RBM47: variants seen among roughly 807,000 people sequenced by gnomAD.
RBM47 encodes RNA binding motif protein 47.
Under a neutral mutation model 47.1 loss-of-function variants are expected in RBM47, and 21 were observed. That is an observed-to-expected ratio of 0.45 (90% CI 0.32 to 0.64). The LOEUF is 0.64. Ranked by LOEUF, RBM47 falls within the 30% of genes least tolerant of loss-of-function variation. The pLI is 0.05. For missense variants in RBM47, 708 were observed against 870.9 expected (o/e 0.81, Z 2.35); for synonymous variants, 375 against 361.7 (o/e 1.04, Z -0.42).
In RBM47 at chr4:40,628,757, C is replaced by T. The variant is rs1416575625; in HGVS notation, c.-240+639G>A. Among the ~76,000 whole-genome samples, 1 of 152,026 alleles carries T rather than the reference C, an allele frequency of 6.6e-6. No individual in the cohort carries two copies. The highest frequency in any genetic ancestry group is 1.5e-5 in the Non-Finnish European group (1 of 68,034). Reference sequence around the variant, plus strand: ...CTATCACTTATGCCTTGGGACAGTACCCAAGAGTGGCTGAACTTTTACCTA... The same window carrying T: ...CTATCACTTATGCCTTGGGACAGTATCCAAGAGTGGCTGAACTTTTACCTA... On this transcript the variant is annotated intron_variant, in intron 1 of 6. Coordinates refer to ENST00000295971, the MANE Select transcript of RBM47 (RefSeq NM_001098634.2). This position sits in a 1 kb window ranked among gnomAD's most constrained non-coding sequence, Gnocchi z 4.0.
At chr4:40,467,275 T>A (rs1718190172) in intron 2 of RBM47, among the ~76,000 whole-genome samples, 1 of 151,748 alleles carries the variant, frequency 6.6e-6, no homozygotes, top group African/African-American at 2.4e-5. Context: ...GTTCTGCCCC[T>A]AAAATGTAGA....
chr4:40,606,124 G>C (rs1735737109), intron 1 of RBM47, among the ~76,000 whole-genome samples: 1 of 150,368 alleles, frequency 6.7e-6, no homozygotes, highest in Admixed American at 6.6e-5. Context: ...CTTAAACCCA[G>C]GAGGTAGAGG....
chr4:40,567,541 A>G (rs1419744835), intron 1 of RBM47, among the ~76,000 whole-genome samples: 1 of 152,050 alleles, frequency 6.6e-6, no homozygotes, highest in Admixed American at 6.6e-5. Context: ...CGCAGTGCGC[A>G]CAGAGAATAG....
At chr4:40,585,263 GA>G (rs369298846) in intron 1 of RBM47, among the ~76,000 whole-genome samples, 2 of 152,068 alleles carry the variant, frequency 1.3e-5, no homozygotes, top group East Asian at 3.9e-4. Flanking sequence ...GTCCATAGGG[GA>G]AAAAAATGGG....
chr4:40,502,979 G>C (rs1407117067), intron 2 of RBM47, among the ~76,000 whole-genome samples: 1 of 111,430 alleles, frequency 9.0e-6, no homozygotes, highest in East Asian at 2.6e-4. Flanking sequence ...GTACAACCCT[G>C]TCTGTACAAA....
intron 1 of RBM47, among the ~76,000 whole-genome samples, chr4:40,595,462 C>T (rs1734667314): frequency 6.6e-6 from 1 of 151,790 alleles, no homozygotes; most frequent in South Asian, 2.1e-4. Flanking sequence ...CCACTGCATT[C>T]CAGCCTGGGC....
intron 2 of RBM47, among the ~76,000 whole-genome samples, chr4:40,471,501 C>T (rs542613145): frequency 6.6e-6 from 1 of 152,174 alleles, no homozygotes; most frequent in East Asian, 1.9e-4. Flanking sequence ...AGTTCGAGAC[C>T]AGCCTGGCCA....
At chr4:40,525,220 T>C (rs2154257777) in intron 2 of RBM47, among the ~76,000 whole-genome samples, 1 of 152,280 alleles carries the variant, frequency 6.6e-6, no homozygotes. Flanking sequence ...CGCAGATTGC[T>C]TGAGGCCAGG....
intron 2 of RBM47, among the ~76,000 whole-genome samples, chr4:40,485,818 G>A (rs1720986983): frequency 6.6e-6 from 1 of 151,662 alleles, no homozygotes; most frequent in Admixed American, 6.6e-5. Flanking sequence ...CTAGCATTTT[G>A]GGAGGCTGAG....
At chr4:40,523,196 A>G (rs1478825520) in intron 2 of RBM47, among the ~76,000 whole-genome samples, 1 of 151,616 alleles carries the variant, frequency 6.6e-6, no homozygotes, top group Admixed American at 6.6e-5. Flanking sequence ...TGAACTCCTG[A>G]CCTCAAGTGA....
intron 1 of RBM47, among the ~76,000 whole-genome samples, chr4:40,572,360 C>A (rs1471802364): frequency 1.5e-5 from 2 of 135,434 alleles, no homozygotes; most frequent in African/African-American, 5.6e-5. Context: ...GAGCGAGACT[C>A]CATCTCAAAA....
Position 40,438,123 on chromosome 4 carries a change from G to C in RBM47, c.771C>G (p.Thr257=), listed in dbSNP as rs1712989359. Residue 257 remains threonine, a synonymous_variant, in exon 4 of 7, where the codon ACC becomes ACG. Coordinates refer to ENST00000295971, the MANE Select transcript of RBM47 (RefSeq NM_001098634.2). ...AGCTCTTCTTGATGGTGTCCTCGGT[G>C]GTCTCGATCATGAGGTTGCGCACGT... ...ILYVRNLMIE[T]TEDTIKKSFG... is the part of the protein sequence containing the mutation. 3.1e-6 allele frequency: 5 copies of C among 1,613,270 alleles called. No individual in the cohort carries two copies. In the Admixed American group the frequency reaches 8.3e-5, roughly 27 times the overall value.
In RBM47 at chr4:40,438,914, C is replaced by A; in HGVS notation, c.-21G>T. On this transcript the variant is annotated 5_prime_UTR_variant, in exon 4 of 7. Transcript: ENST00000295971. ...GTCATAATGTCAAAGGCATCCACAG[C>A]TGGCGGAAACCTGGGGAAGCAGAAA... The A allele has an allele frequency of 6.6e-7, 1 of 1,512,818 alleles. No individual in the cohort carries two copies. The highest frequency in any genetic ancestry group is 8.8e-7 in the Non-Finnish European group (1 of 1,132,772). The allele number at this position is 1,512,818 out of a possible 1,614,324, so 93.7% of individuals were successfully genotyped here. A position where few individuals can be genotyped will look rare whatever the true frequency, so the allele number is the denominator to read the frequency against.
At chr4:40,610,429 T>G (rs1378079474) in intron 1 of RBM47, among the ~76,000 whole-genome samples, 1 of 151,282 alleles carries the variant, frequency 6.6e-6, no homozygotes, top group Non-Finnish European at 1.5e-5. Flanking sequence ...GAGACCACGG[T>G]GAAACTCCGT....
chr4:40,572,512 C>G (rs1407297455), intron 1 of RBM47, among the ~76,000 whole-genome samples: 1 of 151,996 alleles, frequency 6.6e-6, no homozygotes, highest in Non-Finnish European at 1.5e-5. Context: ...AGTGTATTTA[C>G]TTGCATAGCA....
At chr4:40,591,914 AT>A (rs1391968728) in intron 1 of RBM47, among the ~76,000 whole-genome samples, 2 of 152,162 alleles carry the variant, frequency 1.3e-5, no homozygotes, top group Non-Finnish European at 2.9e-5. Flanking sequence ...TGGGAGGTAA[AT>A]TTATGTGAAA....
At chr4:40,476,868 G>GTCA (rs1475307718) in intron 2 of RBM47, among the ~76,000 whole-genome samples, 5 of 152,166 alleles carry the variant, frequency 3.3e-5, no homozygotes, top group Admixed American at 1.3e-4. Flanking sequence ...TTTTCCCTGA[G>GTCA]TCATCACTGT....
chr4:40,508,185 T>C (rs1464520249), intron 2 of RBM47, among the ~76,000 whole-genome samples: 2 of 152,250 alleles, frequency 1.3e-5, no homozygotes, highest in African/African-American at 4.8e-5. Flanking sequence ...CTGGTGTAAC[T>C]AACAATTTTC....
intron 1 of RBM47, among the ~76,000 whole-genome samples, chr4:40,577,083 C>A (rs756075394): frequency 5.6e-4 from 86 of 152,290 alleles, no homozygotes; most frequent in Non-Finnish European, 1.2e-3. Flanking sequence ...CAGCCCACTC[C>A]AAGGAATGGG....
Sources: gnomAD v4.1 joint callset for allele counts (sites outside exome capture counted in the v4.1 genomes callset) on GRCh38, gnomAD v4.1.1 for gene constraint, Gnocchi (gnomAD v3.1) non-coding constraint, MANE v1.5 for transcripts, NCBI Gene and HGNC (gene_info 2026-07-23, HGNC 2026-07-21) for gene names.